The following PLEKHA6 variants were observed in gnomAD, a reference collection of about 807,000 sequenced individuals.
The protein encoded by PLEKHA6 is pleckstrin homology domain-containing family A member 6.
A neutral mutation model predicts 116.7 loss-of-function variants in PLEKHA6; 60 were observed. The observed-to-expected ratio is 0.51, with a 90% CI of 0.42 to 0.64. The LOEUF (loss-of-function observed/expected upper bound fraction) is 0.64. Among genes scored for constraint, PLEKHA6 ranks in the 30% least tolerant of loss-of-function variants. The pLI is 0.00. For missense variants in PLEKHA6, 1,338 were observed against 1,422.7 expected (o/e 0.94, Z 0.96); for synonymous variants, 489 against 556.1 (o/e 0.88, Z 1.70).
chr1:204,257,871 TGA>T lies in PLEKHA6; in HGVS notation c.1008-4_1008-3del. ...GACACAGGATAGAACCTAGAGGGACTGAGAGAGAGGGGACATTGTAATGAAGG... is the reference window on the plus strand; with the variant it reads ...GACACAGGATAGAACCTAGAGGGACTGAGAGAGGGGACATTGTAATGAAGG... On this transcript the variant is annotated splice_polypyrimidine_tract_variant and splice_region_variant and intron_variant, in intron 8 of 22. Coordinates refer to ENST00000272203, the MANE Select transcript of PLEKHA6 (RefSeq NM_014935.5). The surrounding 1 kb of genome is among the most constrained non-coding windows in gnomAD (Gnocchi z 6.5). 1.3e-6 allele frequency: 2 copies of T among 1,596,194 alleles called. No individual in the cohort carries two copies. Among genetic ancestry groups the T allele is most frequent in the South Asian group, 1.1e-5 (1 of 89,592 alleles).
chr1:204,241,641 A>G, intron 16 of PLEKHA6, 44 bp downstream of exon 16: 2 of 1,534,496 alleles, frequency 1.3e-6, no homozygotes, highest in Non-Finnish European at 1.7e-6. Context: ...CTCCTCCCTG[A>G]GCATCCTTGC....
chr1:204,300,009 G>C (rs990308307), intron 1 of PLEKHA6, among the ~76,000 whole-genome samples: 8 of 152,134 alleles, frequency 5.3e-5, no homozygotes, highest in African/African-American at 7.2e-5. Flanking sequence ...GCCTGACCTA[G>C]AGATGACCCA....
At position 204,254,186 on chromosome 1, in the gene PLEKHA6, T is replaced by G. The variant is rs144071921; in HGVS notation, c.1524+3167A>C. 7.2e-4 allele frequency among the ~76,000 whole-genome samples: 109 copies of G among 152,352 alleles called. No individual in the cohort carries two copies. In the East Asian group the frequency reaches 0.02, roughly 28 times the overall value. On this transcript the variant is annotated intron_variant, in intron 9 of 22. Transcript: ENST00000272203. ...CTGGACCTCCCGGCCCTGCTCAGAG[T>G]TGGAATCCTGGGATCTGTTCCCACA...
chr1:204,249,004 C>G, intron 11 of PLEKHA6, 34 bp from the exon 12 acceptor site: 2 of 1,608,304 alleles, frequency 1.2e-6, no homozygotes, highest in South Asian at 2.2e-5. Flanking sequence ...ATGAGCAGCC[C>G]TGACAGCTCC....
At chr1:204,306,973 T>G (rs993541987) in intron 1 of PLEKHA6, among the ~76,000 whole-genome samples, 2 of 152,104 alleles carry the variant, frequency 1.3e-5, no homozygotes, top group African/African-American at 4.8e-5. Context: ...AGGGAGAAAA[T>G]AGTCACCTTC....
chr1:204,284,912 T>C (rs185563160), intron 1 of PLEKHA6, among the ~76,000 whole-genome samples: 4 of 152,332 alleles, frequency 2.6e-5, no homozygotes, highest in Non-Finnish European at 2.9e-5. Context: ...CATTGAGTTG[T>C]TTAGTAGTGG....
Position 204,261,769 on chromosome 1 carries a change from G to T in PLEKHA6, c.382-321C>A, listed in dbSNP as rs944343444. On this transcript the variant is annotated intron_variant, in intron 6 of 22. Transcript: ENST00000272203. The surrounding 1 kb of genome is among the most constrained non-coding windows in gnomAD (Gnocchi z 4.0). ...GGACAATGATCACACCCATTCTCCC[G>T]GCAAATTCCATGTTTGATTTCAAAG... 6.6e-6 allele frequency among the ~76,000 whole-genome samples: 1 copy of T among 152,168 alleles called. No homozygotes were observed. Among genetic ancestry groups the T allele is most frequent in the African/African-American group, 2.4e-5 (1 of 41,432 alleles).
At chr1:204,305,490 C>A (rs1481032120) in intron 1 of PLEKHA6, among the ~76,000 whole-genome samples, 1 of 152,174 alleles carries the variant, frequency 6.6e-6, no homozygotes, top group African/African-American at 2.4e-5. Context: ...CCCTTGAAGG[C>A]AGATCCAGTT....
chr1:204,241,309 G>T lies in PLEKHA6; in HGVS notation c.2409+66C>A, dbSNP rs1439900137. The T allele has an allele frequency of 3.2e-6, 3 of 951,858 alleles. No homozygotes were observed. In the African/African-American group the frequency reaches 4.9e-5, roughly 15 times the overall value. 59.0% of individuals were successfully genotyped at this position (951,858 alleles called of 1,614,324 possible). On this transcript the variant is annotated intron_variant, in intron 17 of 22. Transcript: ENST00000272203. ...TTGAACAGCAGAGGGAGATGAGTAG[G>T]TACACACACAGGCCCCTGGGCTCGC... is the stretch of plus-strand genomic sequence containing the variant.
At position 204,247,399 on chromosome 1, in the gene PLEKHA6, T is replaced by C; in HGVS notation, c.1886A>G (p.Asp629Gly). 6.2e-7 allele frequency: 1 copy of C among 1,613,258 alleles called. No individual in the cohort carries two copies. Among genetic ancestry groups the C allele is most frequent in the Non-Finnish European group, 8.5e-7 (1 of 1,179,306 alleles). The part of the protein sequence containing the change: ...HLESEVSALH[D>G]DLWEQLNLDT... ...CAAATTGAGCTGCTCCCAGAGGTCA[T>C]CGTGCAGGGCAGAGACCTCAGACTC... Residue 629 changes from aspartate (D) to glycine (G), a missense_variant, in exon 13 of 23, where the codon GAT (aspartate) becomes GGT (glycine). Physicochemically the swap from Asp to Gly is moderately conservative, Grantham distance 94 (BLOSUM62 -1). Transcript: ENST00000272203.
At chr1:204,353,104 C>T (rs1414124877) in intron 1 of PLEKHA6, among the ~76,000 whole-genome samples, 1 of 152,218 alleles carries the variant, frequency 6.6e-6, no homozygotes, top group Non-Finnish European at 1.5e-5. Flanking sequence ...CCAAGTTCTA[C>T]CCACCACTTA....
At chr1:204,282,416 G>A (rs1403581670) in intron 1 of PLEKHA6, among the ~76,000 whole-genome samples, 1 of 152,026 alleles carries the variant, frequency 6.6e-6, no homozygotes, top group Non-Finnish European at 1.5e-5. Flanking sequence ...TTCAAATACT[G>A]AAGCTCTTCC....
At chr1:204,371,053 CAA>C (rs34493461) in intron 2 of PLEKHA6, among the ~76,000 whole-genome samples, 93 of 68,446 alleles carry the variant, frequency 1.4e-3, no homozygotes, top group African/African-American at 2.2e-3. Flanking sequence ...GACTCTGCCT[CAA>C]AAAAAAAAAA....
intron 17 of PLEKHA6, among the ~76,000 whole-genome samples, chr1:204,231,655 A>G (rs903589807): frequency 1.8e-4 from 27 of 148,822 alleles, no homozygotes; most frequent in African/African-American, 5.4e-4. Context: ...ACAGCCTTGA[A>G]CTCCTAGGTT....
At chr1:204,258,720 T>C (rs1010689615) in intron 8 of PLEKHA6, among the ~76,000 whole-genome samples, 9 of 152,226 alleles carry the variant, frequency 5.9e-5, no homozygotes, top group African/African-American at 2.2e-4. Context: ...AAGTCAGTCA[T>C]TGGATAAAGG....
At chr1:204,327,497 T>A (rs977900498) in intron 1 of PLEKHA6, among the ~76,000 whole-genome samples, 3 of 152,252 alleles carry the variant, frequency 2.0e-5, no homozygotes, top group Admixed American at 6.5e-5. Context: ...CTGCAGTCTC[T>A]GGCCCGCTGA....
At chr1:204,365,315 C>T (rs1673628375) in intron 3 of PLEKHA6, among the ~76,000 whole-genome samples, 1 of 152,178 alleles carries the variant, frequency 6.6e-6, no homozygotes, top group African/African-American at 2.4e-5. Flanking sequence ...ACTCTTGCAG[C>T]ATTATGGCCT....
At chr1:204,256,852 C>T (rs966772270) in intron 9 of PLEKHA6, 22 of 668,842 alleles carry the variant, frequency 3.3e-5, no homozygotes, top group Non-Finnish European at 5.2e-5. Context: ...GGGAACAGTC[C>T]TGCAGGGACT....
intron 1 of PLEKHA6, among the ~76,000 whole-genome samples, chr1:204,276,037 G>A (rs1362453427): frequency 4.6e-5 from 7 of 152,194 alleles, no homozygotes; most frequent in African/African-American, 1.7e-4. Flanking sequence ...ATCAGAGAAG[G>A]AAAATAACCT....
Sources: gnomAD v4.1 joint callset for allele counts (sites outside exome capture counted in the v4.1 genomes callset) on GRCh38, gnomAD v4.1.1 for gene constraint, Gnocchi (gnomAD v3.1) non-coding constraint, MANE v1.5 for transcripts, NCBI Gene and HGNC (gene_info 2026-07-23, HGNC 2026-07-21) for gene names.